The following KBTBD11 variants were observed in gnomAD, a reference collection of about 807,000 sequenced individuals.
The protein encoded by KBTBD11 is kelch repeat and BTB domain-containing protein 11.
For missense variants in KBTBD11, 1,390 were observed against 1,001.8 expected, an observed-to-expected ratio of 1.39 and a Z score of -5.23; for synonymous variants, 747 against 499.0, an observed-to-expected ratio of 1.50 and a Z score of -6.63.
In KBTBD11 at chr8:2,001,812, TGGTGGCCGGCGCGCGCCGCCTGCA is replaced by T; in HGVS notation, c.622_645del (p.Val208_Gln215del). 8 of 1,228,748 alleles carry T rather than the reference TGGTGGCCGGCGCGCGCCGCCTGCA, an allele frequency of 6.5e-6. No homozygotes were observed. Among genetic ancestry groups the T allele is most frequent in the Non-Finnish European group, 7.1e-6 (7 of 989,650 alleles). The allele number at this position is 1,228,748 out of a possible 1,614,324, so 76.1% of individuals were successfully genotyped here. ...GTGCGGCCCGACAACGTGGCCGAGGTGGTGGCCGGCGCGCGCCGCCTGCAGCTGCCCGGCGCCGCGCAGCGCGCC... is the reference window on the plus strand; with the variant it reads ...GTGCGGCCCGACAACGTGGCCGAGGTGCTGCCCGGCGCCGCGCAGCGCGCC... On this transcript the variant is annotated inframe_deletion, in exon 2 of 2. Coordinates refer to ENST00000320248, the MANE Select transcript of KBTBD11 (RefSeq NM_014867.3).
chr8:1,974,841 G>T, intron 1 of KBTBD11: 1 of 319,944 alleles, frequency 3.1e-6, no homozygotes, highest in Non-Finnish European at 4.5e-6. Flanking sequence ...CTAAGGAAAA[G>T]AAAAGGAACA....
At chr8:1,993,533 C>CT (rs1817011622) in intron 1 of KBTBD11, among the ~76,000 whole-genome samples, 1 of 35,988 alleles carries the variant, frequency 2.8e-5, no homozygotes, top group Non-Finnish European at 5.3e-5. Flanking sequence ...ATCCATCCAC[C>CT]CACCCACCCA....
chr8:1,988,444 C>T lies in KBTBD11; in HGVS notation c.-908-11841C>T, dbSNP rs531989749. Reference sequence around the variant, plus strand: ...CCATTCTAACTGGTGTGAGATGGTACCTCATTGTGGTTTTGATTTGCATTT... The same window carrying T: ...CCATTCTAACTGGTGTGAGATGGTATCTCATTGTGGTTTTGATTTGCATTT... On this transcript the variant is annotated intron_variant, in intron 1 of 1. Transcript: ENST00000320248. 2.9e-3 allele frequency among the ~76,000 whole-genome samples: 436 copies of T among 152,196 alleles called. 1 individual carries two copies. Among genetic ancestry groups the T allele is most frequent in the African/African-American group, 9.8e-3 (405 of 41,530 alleles).
At chr8:1,983,254 T>C (rs1428248617) in intron 1 of KBTBD11, among the ~76,000 whole-genome samples, 1 of 152,174 alleles carries the variant, frequency 6.6e-6, no homozygotes, top group Non-Finnish European at 1.5e-5. Flanking sequence ...TGCCACCCTG[T>C]GTGCACCCCC....
chr8:1,974,370 G>A (rs62478193), intron 1 of KBTBD11: 537,057 of 984,520 alleles, frequency 0.55, 148,822 homozygotes, highest in East Asian at 0.71. Flanking sequence ...CAGCCGGCAC[G>A]GAAGCAGGAG....
In KBTBD11 at chr8:2,003,082, G is replaced by A. The variant is rs919540822; in HGVS notation, c.*18G>A. The A allele has an allele frequency of 7.9e-7, 1 of 1,259,292 alleles. No homozygotes were observed. Among genetic ancestry groups the A allele is most frequent in the South Asian group, 3.1e-5 (1 of 32,062 alleles). 78.0% of individuals were successfully genotyped at this position (1,259,292 alleles called of 1,614,324 possible). A position where few individuals can be genotyped will look rare whatever the true frequency, so the allele number is the denominator to read the frequency against. ...CCCCGTAGGCCGGCGGGGTCGGCGG[G>A]CGTCTCCCTCGGCAGGGGTTTGCGG... On this transcript the variant is annotated 3_prime_UTR_variant, in exon 2 of 2. Coordinates refer to ENST00000320248, the MANE Select transcript of KBTBD11 (RefSeq NM_014867.3).
intron 1 of KBTBD11, chr8:1,976,402 A>G (rs1446488031): frequency 6.6e-6 from 1 of 152,228 alleles, no homozygotes; most frequent in Non-Finnish European, 1.5e-5. Flanking sequence ...AAATTAAAGC[A>G]TCTAGTTTAC....
Position 1,974,148 on chromosome 8 carries a change from A to T in KBTBD11, c.-909+213A>T, listed in dbSNP as rs1436100419. 2.4e-3 allele frequency among the ~76,000 whole-genome samples: 144 copies of T among 58,830 alleles called. 1 individual carries two copies. Among genetic ancestry groups the T allele is most frequent in the African/African-American group, 8.8e-3 (135 of 15,398 alleles). The allele number at this position is 58,830 out of a possible 152,430, so 38.6% of individuals were successfully genotyped here. ...CGGAGCGGAGGGGAGGGGAGGGGGG[A>T]CCGGGAGAGGAGGGGGCAGCGCTGC... On this transcript the variant is annotated intron_variant, in intron 1 of 1. Transcript: ENST00000320248.
At position 2,001,882 on chromosome 8, in the gene KBTBD11, G is replaced by T. The variant is rs570197059; in HGVS notation, c.690G>T (p.Gln230His). 1.2e-3 allele frequency: 1,611 copies of T among 1,375,744 alleles called. 3 individuals carry two copies. Among genetic ancestry groups the T allele is most frequent in the Admixed American group, 1.6e-3 (64 of 40,792 alleles). The allele number at this position is 1,375,744 out of a possible 1,614,324, so 85.2% of individuals were successfully genotyped here. The change falls in exon 2 of 2, where the codon CAG (glutamine) becomes CAT (histidine). Residue 230 changes from glutamine to histidine, a missense_variant. Gln to His is a conservative substitution (Grantham distance 24). Coordinates refer to ENST00000320248, the MANE Select transcript of KBTBD11 (RefSeq NM_014867.3). Reference protein sequence around the residue: ...AQRATDAVGPQLSLANCYEVL... With the variant: ...AQRATDAVGPHLSLANCYEVL... ...GCGCCACCGACGCCGTGGGGCCGCAGCTGAGCCTGGCCAACTGCTACGAGG... is the reference window on the plus strand; with the variant it reads ...GCGCCACCGACGCCGTGGGGCCGCATCTGAGCCTGGCCAACTGCTACGAGG...
At chr8:1,985,601 C>T (rs888276384) in intron 1 of KBTBD11, among the ~76,000 whole-genome samples, 10 of 152,264 alleles carry the variant, frequency 6.6e-5, no homozygotes, top group African/African-American at 2.2e-4. Context: ...ACTGTTCTCT[C>T]ATCTCACCCC....
intron 1 of KBTBD11, among the ~76,000 whole-genome samples, chr8:1,986,986 C>G (rs546839695): frequency 1.0e-3 from 109 of 107,428 alleles, no homozygotes; most frequent in African/African-American, 3.7e-3. Flanking sequence ...AGCCTGGCAA[C>G]ATAGTGAGAC....
At chr8:1,981,048 G>A (rs917636948) in intron 1 of KBTBD11, among the ~76,000 whole-genome samples, 2 of 152,154 alleles carry the variant, frequency 1.3e-5, no homozygotes, top group Non-Finnish European at 1.5e-5. Context: ...TAATTTTAGC[G>A]CCAACACTAA....
chr8:1,997,184 C>T (rs756031466), intron 1 of KBTBD11, among the ~76,000 whole-genome samples: 5 of 152,070 alleles, frequency 3.3e-5, no homozygotes, highest in Admixed American at 6.5e-5. Context: ...CAAGGATGGA[C>T]GCTCCTCAGG....
Position 2,004,270 on chromosome 8 carries a change from T to C in KBTBD11, c.*1206T>C, listed in dbSNP as rs753429190. 1 of 166,934 alleles carries C rather than the reference T, an allele frequency of 6.0e-6. No individual in the cohort carries two copies. Among genetic ancestry groups the C allele is most frequent in the Non-Finnish European group, 1.5e-5 (1 of 68,118 alleles). 10.3% of individuals were successfully genotyped at this position (166,934 alleles called of 1,614,324 possible). A position where few individuals can be genotyped will look rare whatever the true frequency, so the allele number is the denominator to read the frequency against. ...TCACTGCATTGACAGGGTATGAGGA[T>C]TAAAAACAAATCAGTTGGGTCGTTT... On this transcript the variant is annotated 3_prime_UTR_variant, in exon 2 of 2. Transcript: ENST00000320248.
chr8:2,001,253 G>T lies in KBTBD11; in HGVS notation c.61G>T (p.Glu21Ter). 2 of 1,503,646 alleles carry T rather than the reference G, an allele frequency of 1.3e-6. No individual in the cohort carries two copies. The highest frequency in any genetic ancestry group is 8.8e-7 in the Non-Finnish European group (1 of 1,132,046). The allele number at this position is 1,503,646 out of a possible 1,614,324, so 93.1% of individuals were successfully genotyped here. The change falls in exon 2 of 2, where the codon GAG becomes TAG. Residue 21 changes from glutamate (E) to a stop codon, truncating the protein, a stop_gained. Coordinates refer to ENST00000320248, the MANE Select transcript of KBTBD11 (RefSeq NM_014867.3). LOFTEE classifies it low-confidence loss of function (END_TRUNC). The stretch of plus-strand genomic sequence containing the variant: ...AGGGACTGAGCCCGGGGCTGCCGGG[G>T]AGAGCGAGAGCGAGGGCGCCGCGTC... ...YPGTEPGAAG[E>*]SESEGAASPA... is the part of the protein sequence containing the mutation.
chr8:1,996,809 C>T (rs928241998), intron 1 of KBTBD11, among the ~76,000 whole-genome samples: 3 of 151,768 alleles, frequency 2.0e-5, no homozygotes, highest in South Asian at 2.1e-4. Flanking sequence ...TTGTATTAAT[C>T]GTAAAGAAAT....
chr8:2,003,794 C>G lies in KBTBD11; in HGVS notation c.*730C>G, dbSNP rs1399848211. Reference sequence around the variant, plus strand: ...GTTGAAAGGATGTTAACTGATGTAGCGATGATTTACCATTATTTAAATTTT... The same window carrying G: ...GTTGAAAGGATGTTAACTGATGTAGGGATGATTTACCATTATTTAAATTTT... On this transcript the variant is annotated 3_prime_UTR_variant, in exon 2 of 2. Transcript: ENST00000320248. 1.2e-5 allele frequency: 2 copies of G among 166,888 alleles called. No individual in the cohort carries two copies. The highest frequency in any genetic ancestry group is 2.4e-5 in the African/African-American group (1 of 41,384). 10.3% of individuals were successfully genotyped at this position (166,888 alleles called of 1,614,324 possible).
At chr8:1,987,468 C>T (rs928208123) in intron 1 of KBTBD11, among the ~76,000 whole-genome samples, 1 of 152,164 alleles carries the variant, frequency 6.6e-6, no homozygotes, top group South Asian at 2.1e-4. Flanking sequence ...TCACTGCTTC[C>T]TTTCTTTAAA....
chr8:2,002,335 G>C lies in KBTBD11; in HGVS notation c.1143G>C (p.Gln381His). Residue 381 changes from glutamine (Q) to histidine (H), a missense_variant, in exon 2 of 2, where the codon CAG becomes CAC. Coordinates refer to ENST00000320248, the MANE Select transcript of KBTBD11 (RefSeq NM_014867.3). This position sits in a 1 kb window ranked among gnomAD's most constrained non-coding sequence, Gnocchi z 4.1. ...ACGGCCGCGCGCGCCCGTCCGACCA[G>C]GTCTTCTGCTACAACCCGGCCACGG... ...GPDGRARPSDQVFCYNPATDS... is the reference protein window; with the variant it reads ...GPDGRARPSDHVFCYNPATDS... 1 of 1,426,412 alleles carries C rather than the reference G, an allele frequency of 7.0e-7. No homozygotes were observed. Among genetic ancestry groups the C allele is most frequent in the Non-Finnish European group, 9.1e-7 (1 of 1,093,102 alleles). The allele number at this position is 1,426,412 out of a possible 1,614,324, so 88.4% of individuals were successfully genotyped here.
Sources: gnomAD v4.1 joint callset for allele counts (sites outside exome capture counted in the v4.1 genomes callset) on GRCh38, gnomAD v4.1.1 for gene constraint, Gnocchi (gnomAD v3.1) non-coding constraint, MANE v1.5 for transcripts, NCBI Gene and HGNC (gene_info 2026-07-23, HGNC 2026-07-21) for gene names.